OCA2: variants seen among roughly 807,000 people sequenced by gnomAD.
OCA2 encodes P protein.
OCA2 carries 77 observed loss-of-function variants against 100.2 expected under a neutral mutation model. The ratio of observed to expected loss-of-function variants is 0.77; its 90% CI spans 0.64 to 0.93. The LOEUF (loss-of-function observed/expected upper bound fraction) is 0.93. OCA2 is among the 40% of genes least tolerant of loss of function. The pLI, the probability that OCA2 is intolerant of heterozygous loss-of-function variation, is 0.00. For missense variants in OCA2, 1,062 were observed against 1,089.1 expected (o/e 0.98, Z 0.35); for synonymous variants, 432 against 439.2 (o/e 0.98, Z 0.21).
In OCA2 at chr15:28,071,633, A is replaced by G. The variant is rs2044263796; in HGVS notation, c.227+10015T>C. Among the ~76,000 whole-genome samples, 7 of 152,216 alleles carry G rather than the reference A, an allele frequency of 4.6e-5. No homozygotes were observed. The South Asian group carries it at 1.4e-3, about 31-fold the overall frequency. On this transcript the variant is annotated intron_variant, in intron 2 of 23. Coordinates refer to ENST00000354638, the MANE Select transcript of OCA2 (RefSeq NM_000275.3). ...AAAACCTGACACCTACATCTATCTG[A>G]TCTTTGACATGGCCAATATAAACAA...
the OCA2 span, among the ~76,000 whole-genome samples, chr15:27,725,391 AC>A: frequency 1.3e-5 from 2 of 152,152 alleles, no homozygotes; most frequent in Admixed American, 1.3e-4. Context: ...AGCCTGGCCA[AC>A]ATGGTGAAAC....
At chr15:27,814,464 CT>C (rs1394235714) in intron 23 of OCA2, among the ~76,000 whole-genome samples, 1 of 152,202 alleles carries the variant, frequency 6.6e-6, no homozygotes, top group Non-Finnish European at 1.5e-5. Context: ...CAATCATCCA[CT>C]GAATAGTCAT....
At chr15:27,729,976 T>C in the OCA2 span, among the ~76,000 whole-genome samples, 1 of 152,206 alleles carries the variant, frequency 6.6e-6, no homozygotes, top group Non-Finnish European at 1.5e-5. Flanking sequence ...TATTTAACTC[T>C]CTGACAACAA....
chr15:27,720,895 A>G, the OCA2 span, among the ~76,000 whole-genome samples: 1 of 152,112 alleles, frequency 6.6e-6, no homozygotes, highest in Non-Finnish European at 1.5e-5. Context: ...TTACTTCCCA[A>G]AGAAAGGAGC....
At chr15:27,736,669 T>TACC in the OCA2 span, among the ~76,000 whole-genome samples, 1 of 152,206 alleles carries the variant, frequency 6.6e-6, no homozygotes, top group Non-Finnish European at 1.5e-5. Context: ...AATAATGGCC[T>TACC]CAAGTGTTGT....
chr15:27,973,779 T>C (rs2040878969), intron 14 of OCA2, among the ~76,000 whole-genome samples: 4 of 152,214 alleles, frequency 2.6e-5, no homozygotes, highest in South Asian at 4.1e-4. Context: ...TTGGGCAATA[T>C]GGTCATTTTG....
chr15:27,755,945 G>C (rs528233874), intron 23 of OCA2, among the ~76,000 whole-genome samples: 3 of 152,222 alleles, frequency 2.0e-5, no homozygotes, highest in Non-Finnish European at 4.4e-5. Flanking sequence ...AAGGCCAACT[G>C]TTGTCTAAGG....
At chr15:27,767,669 CACCAATCAGCACTCTGTAAAATGG>C (rs373469035) in intron 23 of OCA2, among the ~76,000 whole-genome samples, 7,981 of 151,706 alleles carry the variant, frequency 0.053, 295 homozygotes, top group Middle Eastern at 0.14. Flanking sequence ...ATTGTAAACA[CACCAATCAGCACTCTGTAAAATGG>C]ACCAATCAGC....
chr15:27,881,094 CT>C (rs796291724), intron 19 of OCA2, among the ~76,000 whole-genome samples: 2 of 152,012 alleles, frequency 1.3e-5, no homozygotes, highest in African/African-American at 4.8e-5. Flanking sequence ...TATCAAAGGC[CT>C]TTTTTGTGTC....
intron 19 of OCA2, among the ~76,000 whole-genome samples, chr15:27,913,903 G>GAAAGAA (rs1567098836): frequency 4.0e-4 from 16 of 39,984 alleles, no homozygotes; most frequent in Middle Eastern, 0.023. Flanking sequence ...AAGCAAGCAA[G>GAAAGAA]CAAGCAAGCA....
At chr15:27,954,807 C>G (rs2040163291) in intron 17 of OCA2, among the ~76,000 whole-genome samples, 1 of 152,236 alleles carries the variant, frequency 6.6e-6, no homozygotes, top group African/African-American at 2.4e-5. Flanking sequence ...CTTCATGCAG[C>G]ATGCCTTGCC....
intron 18 of OCA2, among the ~76,000 whole-genome samples, chr15:27,944,734 C>A (rs926334050): frequency 2.0e-5 from 3 of 152,158 alleles, no homozygotes; most frequent in Non-Finnish European, 4.4e-5. Flanking sequence ...TAACCACCCT[C>A]CCCGCCATTC....
chr15:27,928,260 T>C (rs1048456240), intron 18 of OCA2, among the ~76,000 whole-genome samples: 4 of 151,820 alleles, frequency 2.6e-5, no homozygotes, highest in African/African-American at 9.7e-5. Context: ...AAATAGAAAA[T>C]GGAAAAAATG....
chr15:27,792,275 T>G (rs1028383473), intron 23 of OCA2, among the ~76,000 whole-genome samples: 5 of 152,184 alleles, frequency 3.3e-5, no homozygotes, highest in African/African-American at 1.2e-4. Flanking sequence ...CCTTCCTTCT[T>G]GCTTTCTTTT....
intron 21 of OCA2, among the ~76,000 whole-genome samples, chr15:27,857,963 T>C (rs983783672): frequency 6.7e-6 from 1 of 150,212 alleles, no homozygotes; most frequent in Non-Finnish European, 1.5e-5. Flanking sequence ...TATTAAAATA[T>C]ACAGAAAATT....
chr15:27,758,478 G>A (rs2030567082), intron 23 of OCA2, among the ~76,000 whole-genome samples: 1 of 152,238 alleles, frequency 6.6e-6, no homozygotes, highest in Non-Finnish European at 1.5e-5. Context: ...GGTGTTTCAA[G>A]TTGAATGAGA....
chr15:28,082,838 T>C (rs937404317), intron 1 of OCA2, among the ~76,000 whole-genome samples: 2 of 141,484 alleles, frequency 1.4e-5, no homozygotes, highest in African/African-American at 6.1e-5. Flanking sequence ...GGTGAGAATA[T>C]AATAATACCT....
chr15:27,791,307 T>A (rs913248640), intron 23 of OCA2, among the ~76,000 whole-genome samples: 1 of 152,174 alleles, frequency 6.6e-6, no homozygotes, highest in Non-Finnish European at 1.5e-5. Context: ...ACACTCTTAA[T>A]GAGTAGGATC....
chr15:28,037,329 C>T (rs2043074559), intron 2 of OCA2, among the ~76,000 whole-genome samples: 1 of 151,968 alleles, frequency 6.6e-6, no homozygotes, highest in Non-Finnish European at 1.5e-5. Flanking sequence ...GGAAGGACCC[C>T]AGTGGTTGGT....
Sources: allele counts gnomAD v4.1 joint callset (sites outside exome capture counted in the v4.1 genomes callset), GRCh38; gene constraint gnomAD v4.1.1; transcripts MANE v1.5; gene names NCBI Gene and HGNC (gene_info 2026-07-23, HGNC 2026-07-21).